The following MICU2 variants were observed in gnomAD, a reference collection of about 807,000 sequenced individuals.
MICU2 encodes the protein calcium uptake protein 2, mitochondrial.
A neutral mutation model predicts 60.4 loss-of-function variants in MICU2; 64 were observed. The observed-to-expected ratio is 1.06, with a 90% CI of 0.87 to 1.31. The LOEUF (loss-of-function observed/expected upper bound fraction) is 1.31, where lower values mean the gene tolerates loss of function less well. Among genes scored for constraint, MICU2 ranks in the 50% most tolerant of loss-of-function variants. The pLI is 0.00. For missense variants in MICU2, 569 were observed against 531.0 expected (o/e 1.07, Z -0.70); for synonymous variants, 201 against 175.0 (o/e 1.15, Z -1.17).
At chr13:21,602,191 G>C (rs1888835564) in intron 1 of MICU2, among the ~76,000 whole-genome samples, 1 of 151,376 alleles carries the variant, frequency 6.6e-6, no homozygotes, top group South Asian at 2.1e-4. Context: ...TGTGGTTAAA[G>C]TGATACTCCG....
intron 4 of MICU2, among the ~76,000 whole-genome samples, chr13:21,534,071 G>C (rs1887073295): frequency 6.9e-6 from 1 of 145,064 alleles, no homozygotes; most frequent in African/African-American, 2.6e-5. Flanking sequence ...CTGGGCGTGA[G>C]ACTGTCTAAA....
At chr13:21,531,545 G>A (rs945069695) in intron 4 of MICU2, among the ~76,000 whole-genome samples, 11 of 152,158 alleles carry the variant, frequency 7.2e-5, no homozygotes, top group Admixed American at 4.6e-4. Flanking sequence ...ATGGGAGGAG[G>A]AAGAAAAAGT....
chr13:21,589,704 C>G (rs562745193), intron 1 of MICU2, among the ~76,000 whole-genome samples: 1 of 152,136 alleles, frequency 6.6e-6, no homozygotes, highest in Non-Finnish European at 1.5e-5. Context: ...TGACTCCTTC[C>G]GATTACCTAT....
At chr13:21,599,051 T>C (rs1056720522) in intron 1 of MICU2, among the ~76,000 whole-genome samples, 1 of 152,184 alleles carries the variant, frequency 6.6e-6, no homozygotes, top group Non-Finnish European at 1.5e-5. Context: ...TACTGTGAAC[T>C]GTACTCCTAT....
chr13:21,549,104 C>T (rs375675807), intron 2 of MICU2, among the ~76,000 whole-genome samples: 287 of 150,720 alleles, frequency 1.9e-3, no homozygotes, highest in East Asian at 4.7e-3. Context: ...TTTTTTTTTG[C>T]ATTTTTAGTA....
At chr13:21,513,603 G>C (rs1216935938) in intron 7 of MICU2, among the ~76,000 whole-genome samples, 3 of 151,714 alleles carry the variant, frequency 2.0e-5, no homozygotes, top group Admixed American at 1.3e-4. Context: ...TGGGTGTGTG[G>C]GTGGCATGTG....
chr13:21,512,571 C>T (rs569088521), intron 7 of MICU2, among the ~76,000 whole-genome samples: 66 of 151,944 alleles, frequency 4.3e-4, no homozygotes, highest in Non-Finnish European at 6.9e-4. Flanking sequence ...CCTCAGCCTC[C>T]TGAGTAGCTG....
chr13:21,589,402 C>T (rs1888525581), intron 1 of MICU2, among the ~76,000 whole-genome samples: 1 of 152,152 alleles, frequency 6.6e-6, no homozygotes, highest in Admixed American at 6.6e-5. Flanking sequence ...AACTATCCTC[C>T]ACCTTATCCA....
chr13:21,536,420 C>T (rs532129321), intron 4 of MICU2, among the ~76,000 whole-genome samples: 7 of 152,076 alleles, frequency 4.6e-5, no homozygotes, highest in Middle Eastern at 3.4e-3. Flanking sequence ...CTCAACCTCT[C>T]GAGCTCAAGC....
intron 9 of MICU2, among the ~76,000 whole-genome samples, chr13:21,500,016 T>C (rs768868817): frequency 5.9e-5 from 9 of 152,094 alleles, no homozygotes; most frequent in Non-Finnish European, 8.8e-5. Context: ...GAATACACAA[T>C]GCCTCCCACT....
At chr13:21,531,328 A>T in intron 4 of MICU2, 1 of 1,554,222 alleles carries the variant, frequency 6.4e-7, no homozygotes, top group Non-Finnish European at 8.8e-7. Context: ...CAGCAATAAC[A>T]CCAACCCGAA....
intron 1 of MICU2, among the ~76,000 whole-genome samples, chr13:21,589,625 A>AC (rs1205362967): frequency 2.0e-5 from 3 of 152,142 alleles, no homozygotes; most frequent in East Asian, 3.9e-4. Context: ...TTTTTCGATT[A>AC]CCTGCTCCAC....
chr13:21,553,005 A>G (rs1373082444), intron 2 of MICU2, among the ~76,000 whole-genome samples: 1 of 152,190 alleles, frequency 6.6e-6, no homozygotes, highest in Non-Finnish European at 1.5e-5. Context: ...CGTTGAATCT[A>G]TAAATTACCT....
intron 7 of MICU2, among the ~76,000 whole-genome samples, chr13:21,511,815 T>TC (rs1246554336): frequency 7.0e-6 from 1 of 143,330 alleles, no homozygotes; most frequent in African/African-American, 2.6e-5. Flanking sequence ...GAACTGGCAT[T>TC]TTTTTTTTTT....
At chr13:21,569,138 A>T (rs1888049508) in intron 1 of MICU2, among the ~76,000 whole-genome samples, 1 of 152,198 alleles carries the variant, frequency 6.6e-6, no homozygotes, top group African/African-American at 2.4e-5. Flanking sequence ...ATTGAATTGC[A>T]GACCATGAAT....
intron 4 of MICU2, among the ~76,000 whole-genome samples, chr13:21,534,552 G>A (rs964030985): frequency 5.9e-5 from 9 of 152,090 alleles, no homozygotes; most frequent in African/African-American, 2.2e-4. Context: ...ATTATTGAAA[G>A]TTTTAACTGG....
At chr13:21,591,695 AAT>A (rs1888587615) in intron 1 of MICU2, among the ~76,000 whole-genome samples, 2 of 152,186 alleles carry the variant, frequency 1.3e-5, no homozygotes, top group African/African-American at 4.8e-5. Flanking sequence ...AGTGCAATCA[AAT>A]TAGAACTCAG....
chr13:21,568,625 C>T (rs1888036682), intron 1 of MICU2, among the ~76,000 whole-genome samples: 1 of 152,138 alleles, frequency 6.6e-6, no homozygotes, highest in African/African-American at 2.4e-5. Flanking sequence ...TTCCAAACCT[C>T]AACCAACTAA....
At chr13:21,504,841 T>C (rs1250807498) in intron 8 of MICU2, among the ~76,000 whole-genome samples, 2 of 152,166 alleles carry the variant, frequency 1.3e-5, no homozygotes, top group African/African-American at 2.4e-5. Flanking sequence ...TATTTATTTA[T>C]TTATACTACT....
Sources: gnomAD v4.1 joint callset for allele counts (sites outside exome capture counted in the v4.1 genomes callset) on GRCh38, gnomAD v4.1.1 for gene constraint, MANE v1.5 for transcripts, NCBI Gene and HGNC (gene_info 2026-07-23, HGNC 2026-07-21) for gene names.